Variants in GPHN observed in about 807,000 individuals in gnomAD.
GPHN encodes the protein gephyrin.
Under a neutral mutation model 95.5 loss-of-function variants are expected in GPHN, and 17 were observed. The ratio of observed to expected loss-of-function variants is 0.18; its 90% confidence interval spans 0.12 to 0.27. GPHN has a LOEUF of 0.27. Ranked by LOEUF, GPHN falls within the 10% of genes least tolerant of loss-of-function variation. The probability of loss-of-function intolerance (pLI) is 1.00; values close to 1 mark genes in which losing one functional copy is unlikely to be tolerated. For synonymous variants in GPHN, 320 were observed against 322.5 expected, an observed-to-expected ratio of 0.99 and a Z score of 0.08; for missense variants, 660 against 978.1, an observed-to-expected ratio of 0.67 and a Z score of 4.34.
intron 5 of GPHN, among the ~76,000 whole-genome samples, chr14:66,910,949 A>T (rs188922122): frequency 1.9e-4 from 29 of 152,172 alleles, no homozygotes; most frequent in Non-Finnish European, 1.0e-4. Flanking sequence ...GCATATCAGC[A>T]TGGAGGAGTT....
the GPHN span, chr14:67,333,441 T>G: frequency 0.15 from 23,604 of 152,632 alleles, 3,446 homozygotes; most frequent in East Asian, 0.42. Flanking sequence ...GGAAACTAAT[T>G]TAGTCATCAG....
the GPHN span, among the ~76,000 whole-genome samples, chr14:67,419,833 A>G: frequency 6.6e-6 from 1 of 150,540 alleles, no homozygotes; most frequent in Non-Finnish European, 1.5e-5. Flanking sequence ...TGGGAGACAG[A>G]GCCAGCCTCC....
chr14:67,663,085 G>A, the GPHN span: 23 of 1,485,726 alleles, frequency 1.5e-5, no homozygotes, highest in East Asian at 1.3e-4. Flanking sequence ...GTGTGGCACC[G>A]GCAATGACTT....
intron 12 of GPHN, among the ~76,000 whole-genome samples, chr14:67,090,203 T>G (rs2077091916): frequency 1.3e-5 from 2 of 151,858 alleles, no homozygotes; most frequent in Non-Finnish European, 1.5e-5. Flanking sequence ...ATGGGGTACA[T>G]GAGATATGGA....
At chr14:67,256,317 C>T in the GPHN span, among the ~76,000 whole-genome samples, 1 of 151,912 alleles carries the variant, frequency 6.6e-6, no homozygotes, top group South Asian at 2.1e-4. Flanking sequence ...TTTTCACTTG[C>T]GTTTGTTTCA....
chr14:66,601,641 TAATGTA>T (rs2062249943), intron 1 of GPHN, among the ~76,000 whole-genome samples: 1 of 151,970 alleles, frequency 6.6e-6, no homozygotes, highest in African/African-American at 2.4e-5. Context: ...GGCAATGTTT[TAATGTA>T]AATGTATGAT....
chr14:67,662,533 C>A, the GPHN span: 3 of 1,610,412 alleles, frequency 1.9e-6, no homozygotes, highest in Non-Finnish European at 2.5e-6. Context: ...TTCTTCTTTT[C>A]TTCTAGAAAA....
At chr14:67,622,378 A>G in the GPHN span, among the ~76,000 whole-genome samples, 1 of 152,234 alleles carries the variant, frequency 6.6e-6, no homozygotes, top group East Asian at 1.9e-4. Flanking sequence ...AAGTCACTGA[A>G]ACAGCCTTGA....
At chr14:66,893,286 C>T (rs1172052003) in intron 5 of GPHN, among the ~76,000 whole-genome samples, 1 of 152,124 alleles carries the variant, frequency 6.6e-6, no homozygotes. Flanking sequence ...AACTGAGGTA[C>T]CGGGTTCATC....
intron 20 of GPHN, among the ~76,000 whole-genome samples, chr14:67,166,781 C>T (rs2082304269): frequency 6.6e-6 from 1 of 152,128 alleles, no homozygotes; most frequent in Admixed American, 6.5e-5. Context: ...GCCGTTCTCC[C>T]ACCTCAGCCT....
intron 2 of GPHN, among the ~76,000 whole-genome samples, chr14:66,723,468 A>T (rs373653872): frequency 6.6e-6 from 1 of 152,040 alleles, no homozygotes; most frequent in East Asian, 1.9e-4. Flanking sequence ...TGAAAATTTC[A>T]TGAGACACTG....
chr14:67,426,678 C>T, the GPHN span, among the ~76,000 whole-genome samples: 57 of 152,220 alleles, frequency 3.7e-4, no homozygotes, highest in African/African-American at 1.3e-3. Context: ...TGGATTCAAG[C>T]GATTCTCCTG....
rs75227176 is a variant in GPHN at position 66,783,409 on chromosome 14, A to C, written c.201+6888A>C. On this transcript the variant is annotated intron_variant, in intron 3 of 22. Coordinates refer to ENST00000478722, the MANE Select transcript of GPHN (RefSeq NM_020806.5). ...AGTTGATCTATCACCAGCCCAGTGG[A>C]AACAAGCTGTGCTCCAGTTTTCCCA... 5.4e-3 allele frequency among the ~76,000 whole-genome samples: 820 copies of C among 152,266 alleles called. 4 individuals carry two copies. Among genetic ancestry groups the C allele is most frequent in the African/African-American group, 0.018 (764 of 41,544 alleles).
chr14:66,897,880 A>G (rs1367859918), intron 5 of GPHN, among the ~76,000 whole-genome samples: 1 of 152,110 alleles, frequency 6.6e-6, no homozygotes, highest in Non-Finnish European at 1.5e-5. Context: ...TCATTTTACA[A>G]TCACACCAAC....
intron 1 of GPHN, among the ~76,000 whole-genome samples, chr14:66,545,424 G>T (rs906078339): frequency 2.1e-5 from 3 of 140,798 alleles, no homozygotes; most frequent in African/African-American, 8.3e-5. Flanking sequence ...CGGCTGGCCG[G>T]GCAGAGGGGC....
chr14:67,664,599 C>T, the GPHN span, among the ~76,000 whole-genome samples: 5 of 151,206 alleles, frequency 3.3e-5, no homozygotes, highest in African/African-American at 4.9e-5. Context: ...CAGGTTCAAG[C>T]GATTCTCTTG....
At chr14:66,713,312 T>A (rs2069847179) in intron 2 of GPHN, among the ~76,000 whole-genome samples, 2 of 152,216 alleles carry the variant, frequency 1.3e-5, no homozygotes, top group African/African-American at 4.8e-5. Context: ...GATTTTTGTG[T>A]AAGGTGAGAG....
chr14:67,099,568 G>A (rs1432651179), intron 12 of GPHN, among the ~76,000 whole-genome samples: 2 of 147,954 alleles, frequency 1.4e-5, no homozygotes, highest in East Asian at 4.0e-4. Flanking sequence ...ACACAAGAAA[G>A]GCAAGAGTTT....
chr14:66,995,082 G>A (rs963603543), intron 9 of GPHN, among the ~76,000 whole-genome samples: 5 of 151,990 alleles, frequency 3.3e-5, no homozygotes, highest in African/African-American at 9.7e-5. Flanking sequence ...TTTCCCCACC[G>A]TACCTTTGTG....
Sources: gnomAD v4.1 joint callset for allele counts (sites outside exome capture counted in the v4.1 genomes callset) on GRCh38, gnomAD v4.1.1 for gene constraint, MANE v1.5 for transcripts, NCBI Gene and HGNC (gene_info 2026-07-23, HGNC 2026-07-21) for gene names.